Variants in ADCY5 observed in about 807,000 individuals in gnomAD.
ADCY5 encodes the protein adenylate cyclase 5.
A neutral mutation model predicts 119.7 loss-of-function variants in ADCY5; 30 were observed. The ratio of observed to expected loss-of-function variants is 0.25; its 90% CI spans 0.19 to 0.34. The LOEUF is 0.34. Ranked by LOEUF, ADCY5 falls within the 10% of genes least tolerant of loss-of-function variation. The pLI is 1.00. For missense variants in ADCY5, 1,324 were observed against 1,775.2 expected, an observed-to-expected ratio of 0.75 and a Z score of 4.57; for synonymous variants, 753 against 762.2, an observed-to-expected ratio of 0.99 and a Z score of 0.20.
rs150368001 is a variant in ADCY5, at chr3:123,402,537, A to C, written c.1134+44875T>G. Among the ~76,000 whole-genome samples, 36 of 152,334 alleles carry C rather than the reference A, an allele frequency of 2.4e-4. No homozygotes were observed. The East Asian group carries it at 6.4e-3, about 27-fold the overall frequency. On this transcript the variant is annotated intron_variant, in intron 1 of 20. Transcript: ENST00000462833. ...CCAAGGAAGAGCAGCTCATAGGACCAGGTTGGGAAAATGTTTAAAGGAGCC... is the reference window on the plus strand; with the variant it reads ...CCAAGGAAGAGCAGCTCATAGGACCCGGTTGGGAAAATGTTTAAAGGAGCC...
chr3:123,390,083 G>A (rs1204060377), intron 1 of ADCY5, among the ~76,000 whole-genome samples: 1 of 152,206 alleles, frequency 6.6e-6, no homozygotes, highest in Non-Finnish European at 1.5e-5. Flanking sequence ...GCCAATCCCT[G>A]AGCCATCACG....
At chr3:123,285,976 A>G (rs1938728343) in intron 20 of ADCY5, among the ~76,000 whole-genome samples, 1 of 152,202 alleles carries the variant, frequency 6.6e-6, no homozygotes, top group Admixed American at 6.5e-5. Context: ...AAAGGCCTTA[A>G]AAGCAGCACA....
intron 8 of ADCY5, among the ~76,000 whole-genome samples, chr3:123,322,313 G>A (rs556927376): frequency 6.6e-6 from 1 of 152,272 alleles, no homozygotes; most frequent in African/African-American, 2.4e-5. Flanking sequence ...AAAATAGGCC[G>A]AAATGTTGTG....
intron 3 of ADCY5, among the ~76,000 whole-genome samples, chr3:123,338,102 A>T (rs990016395): frequency 6.6e-6 from 1 of 151,946 alleles, no homozygotes; most frequent in African/African-American, 2.4e-5. Context: ...AACAACATTG[A>T]TATGTGAGGA....
At chr3:123,315,249 G>GTCT (rs1940850410) in intron 11 of ADCY5, among the ~76,000 whole-genome samples, 1 of 152,226 alleles carries the variant, frequency 6.6e-6, no homozygotes, top group South Asian at 2.1e-4. Flanking sequence ...TTCAAACAGC[G>GTCT]TCTTTGTTCC....
rs188911417 is a variant in ADCY5, at chr3:123,376,012, C to T, written c.1135-23431G>A. ...GTTTTAACCCAAAAGCTGTTGAGAG[C>T]ATGTGTGCAGTAGCCCTGAAAGGCC... is the stretch of plus-strand genomic sequence containing the variant. On this transcript the variant is annotated intron_variant, in intron 1 of 20. Transcript: ENST00000462833. Among the ~76,000 whole-genome samples, 9 of 148,876 alleles carry T rather than the reference C, an allele frequency of 6.0e-5. No individual in the cohort carries two copies. In the East Asian group the frequency reaches 1.9e-3, roughly 31 times the overall value.
At chr3:123,319,574 C>G (rs1304993174) in intron 10 of ADCY5, 100 bp downstream of exon 10, 3 of 1,441,026 alleles carry the variant, frequency 2.1e-6, no homozygotes, top group Non-Finnish European at 2.8e-6. Flanking sequence ...CCACCCCTTC[C>G]GTGGTGCTGG....
intron 13 of ADCY5, among the ~76,000 whole-genome samples, 176 bp downstream of exon 13, chr3:123,303,891 G>GAGAAGAGAAGAGAAGAGA (rs1940027695): frequency 1.2e-5 from 1 of 80,340 alleles, no homozygotes; most frequent in Non-Finnish European, 2.3e-5. Flanking sequence ...GAGAAGAGAA[G>GAGAAGAGAAGAGAAGAGA]AGAAGAAAGA....
At chr3:123,359,363 T>TATATATATATATATATATAC (rs1943163024) in intron 1 of ADCY5, among the ~76,000 whole-genome samples, 1 of 132,700 alleles carries the variant, frequency 7.5e-6, no homozygotes, top group Non-Finnish European at 1.6e-5. Context: ...TATATATATA[T>TATATATATATATATATATAC]TCATTATTTA....
chr3:123,394,312 T>A (rs1944480555), intron 1 of ADCY5, among the ~76,000 whole-genome samples: 1 of 152,244 alleles, frequency 6.6e-6, no homozygotes. Flanking sequence ...CTATGTTTCC[T>A]TCTGGGGATC....
chr3:123,300,184 T>C lies in ADCY5; in HGVS notation c.2836A>G (p.Ile946Val), dbSNP rs771396598. 5.6e-6 allele frequency: 9 copies of C among 1,613,732 alleles called. No individual in the cohort carries two copies. The highest frequency in any genetic ancestry group is 7.6e-6 in the Non-Finnish European group (9 of 1,180,040). Residue 946 changes from isoleucine (I) to valine (V), a missense_variant, in exon 15 of 21, where the codon ATC (isoleucine) becomes GTC (valine). By Grantham distance (29) the Ile-to-Val change is conservative. This residue lies in a region of ADCY5 where 424 missense variants were observed against 546.8 expected (regional missense o/e 0.78). Coordinates refer to ENST00000462833, the MANE Select transcript of ADCY5 (RefSeq NM_183357.3). ...AGCGTGACACCTGGCACCTCCACGA[T>C]GAGCACGTAGATGAGCTCGATGGCC... ...MLAIELIYVL[I>V]VEVPGVTLFD...
chr3:123,340,481 C>T (rs1252147882), intron 3 of ADCY5, among the ~76,000 whole-genome samples: 1 of 152,020 alleles, frequency 6.6e-6, no homozygotes, highest in African/African-American at 2.4e-5. Flanking sequence ...CAGCTGATTC[C>T]AGCTGTTTCA....
chr3:123,347,961 C>A lies in ADCY5; in HGVS notation c.1285-58G>T. On this transcript the variant is annotated intron_variant, in intron 2 of 20. Transcript: ENST00000462833. ...GCCTTCTACCTGCCTGGCAAGTGCT[C>A]GCTCCTCCACACCTGTGCCCCTGCC... The A allele has an allele frequency of 1.9e-6, 3 of 1,607,170 alleles. No individual in the cohort carries two copies. In the South Asian group the frequency reaches 3.3e-5, roughly 18 times the overall value.
chr3:123,419,649 G>A (rs1025566966), intron 1 of ADCY5, among the ~76,000 whole-genome samples: 10 of 152,102 alleles, frequency 6.6e-5, no homozygotes, highest in African/African-American at 4.8e-5. Flanking sequence ...TTGGGTCACC[G>A]GGGAAGACTC....
intron 4 of ADCY5, 98 bp downstream of exon 4, chr3:123,332,466 A>G (rs1941809603): frequency 1.1e-6 from 1 of 879,942 alleles, no homozygotes; most frequent in Non-Finnish European, 1.8e-6. Flanking sequence ...ATACCCAGGC[A>G]CATGCCCATC....
At chr3:123,384,112 A>G (rs1306441011) in intron 1 of ADCY5, among the ~76,000 whole-genome samples, 1 of 152,158 alleles carries the variant, frequency 6.6e-6, no homozygotes, top group Non-Finnish European at 1.5e-5. Flanking sequence ...TGTGAACCCA[A>G]TAAGAAACTC....
chr3:123,329,322 G>A (rs926844391), intron 5 of ADCY5, among the ~76,000 whole-genome samples: 1 of 152,190 alleles, frequency 6.6e-6, no homozygotes, highest in African/African-American at 2.4e-5. Context: ...GGTATGGCCT[G>A]CTCAGGAGGG....
rs1559860848 is a variant in ADCY5 at position 123,396,824 on chromosome 3, G to GAGAC, written c.1135-44244_1135-44243insGTCT. Among the ~76,000 whole-genome samples the GAGAC allele has an allele frequency of 5.0e-3, 747 of 148,214 alleles. 20 individuals carry two copies. The highest frequency in any genetic ancestry group is 0.018 in the African/African-American group (713 of 39,546). On this transcript the variant is annotated intron_variant, in intron 1 of 20. Coordinates refer to ENST00000462833, the MANE Select transcript of ADCY5 (RefSeq NM_183357.3). ...CAGGCAGGCAGGCAGGCAGGCGAGA[G>GAGAC]AGAGAGAGAGAGAGAGAGACAGAGA...
chr3:123,324,504 T>C (rs1941380656), intron 8 of ADCY5, among the ~76,000 whole-genome samples: 1 of 150,158 alleles, frequency 6.7e-6, no homozygotes, highest in African/African-American at 2.5e-5. Flanking sequence ...TTCCTTGGTA[T>C]GGGTGACTCC....
Sources: gnomAD v4.1 joint callset for allele counts (sites outside exome capture counted in the v4.1 genomes callset) on GRCh38, gnomAD v4.1.1 for gene constraint, gnomAD v4.1.1 regional missense constraint, MANE v1.5 for transcripts, NCBI Gene and HGNC (gene_info 2026-07-23, HGNC 2026-07-21) for gene names.